Variants in MTM1 observed in about 807,000 individuals in gnomAD.
MTM1 encodes the protein myotubularin.
A neutral mutation model predicts 52.1 loss-of-function variants in MTM1; 9 were observed. The ratio of observed to expected loss-of-function variants is 0.17; its 90% confidence interval spans 0.10 to 0.30. MTM1 has a LOEUF of 0.30. MTM1 is among the 10% of genes least tolerant of loss of function. The pLI is 1.00. For synonymous variants in MTM1, 136 were observed against 163.8 expected (o/e 0.83, Z 1.29); for missense variants, 277 against 470.7 (o/e 0.59, Z 3.81).
At chrX:150,639,382 T>C (rs2039810857) in intron 7 of MTM1, among the ~76,000 whole-genome samples, 2 of 112,420 alleles carry the variant, frequency 1.8e-5, no homozygotes, top group Admixed American at 9.4e-5. Context: ...TATTGCTATG[T>C]ATATGCATGT....
chrX:150,568,748 C>G (rs1257145911), intron 1 of MTM1, 86 bp downstream of exon 1: 3 of 113,314 alleles, frequency 2.6e-5, no homozygotes, highest in Admixed American at 9.2e-5. Context: ...GAAGTTGGGA[C>G]TCCTTGGGCC....
intron 2 of MTM1, among the ~76,000 whole-genome samples, chrX:150,594,118 A>C (rs1352212906): frequency 9.4e-6 from 1 of 105,861 alleles, no homozygotes; most frequent in East Asian, 3.0e-4. Flanking sequence ...TGTGTGTATA[A>C]TTTTTTTTTG....
In MTM1 at chrX:150,583,600, A is replaced by AAT. The variant is rs1557412045; in HGVS notation, c.-10-8999_-10-8998dup. Among the ~76,000 whole-genome samples, 158 of 32,949 alleles carry AAT rather than the reference A, an allele frequency of 4.8e-3. 15 individuals carry two copies. The highest frequency in any genetic ancestry group is 0.022 in the African/African-American group (147 of 6,767). 28.6% of individuals were successfully genotyped at this position (32,949 alleles called of 115,157 possible). A position where few individuals can be genotyped will look rare whatever the true frequency, so the allele number is the denominator to read the frequency against. On this transcript the variant is annotated intron_variant, in intron 1 of 14. Coordinates refer to ENST00000370396, the MANE Select transcript of MTM1 (RefSeq NM_000252.3). Reference sequence around the variant, plus strand: ...TATATAATATATATAATTTATATATAATATATAATTTATATATATTATATA... The same window carrying AAT: ...TATATAATATATATAATTTATATATAATATATATAATTTATATATATTATATA...
intron 2 of MTM1, among the ~76,000 whole-genome samples, chrX:150,596,068 G>C (rs2038970426): frequency 9.0e-6 from 1 of 111,561 alleles, no homozygotes; most frequent in East Asian, 2.8e-4. Context: ...TCTGGCTAAT[G>C]GCTGTGCTGT....
In MTM1 at chrX:150,583,659, A is replaced by G. The variant is rs1243044042; in HGVS notation, c.-10-8946A>G. The stretch of plus-strand genomic sequence containing the variant: ...ATATAATATATAATTTATATATATT[A>G]TATATAATTTATATATAAATAATTT... On this transcript the variant is annotated intron_variant, in intron 1 of 14. Coordinates refer to ENST00000370396, the MANE Select transcript of MTM1 (RefSeq NM_000252.3). Among the ~76,000 whole-genome samples the G allele has an allele frequency of 4.0e-3, 152 of 38,235 alleles. 15 individuals carry two copies. The highest frequency in any genetic ancestry group is 0.016 in the African/African-American group (150 of 9,368). 33.2% of individuals were successfully genotyped at this position (38,235 alleles called of 115,157 possible). A position where few individuals can be genotyped will look rare whatever the true frequency, so the allele number is the denominator to read the frequency against.
chrX:150,611,306 G>A (rs1041269354), intron 4 of MTM1, among the ~76,000 whole-genome samples: 6 of 111,897 alleles, frequency 5.4e-5, no homozygotes, highest in African/African-American at 1.9e-4. Flanking sequence ...CAGGCACGAC[G>A]CCAGGTACTT....
intron 1 of MTM1, among the ~76,000 whole-genome samples, chrX:150,589,916 A>G (rs1182411237): frequency 9.0e-6 from 1 of 111,458 alleles, no homozygotes; most frequent in African/African-American, 3.3e-5. Flanking sequence ...TGTGCTCATA[A>G]AAATTAAAAA....
intron 1 of MTM1, among the ~76,000 whole-genome samples, chrX:150,590,762 A>C (rs191258501): frequency 1.2e-4 from 14 of 112,123 alleles, no homozygotes; most frequent in Admixed American, 5.7e-4. Flanking sequence ...TTGACTGTAC[A>C]ACCAGGATTT....
At chrX:150,564,725 C>T (rs1053316443), upstream of MTM1, among the ~76,000 whole-genome samples, 30 of 112,175 alleles carry the variant, frequency 2.7e-4, no homozygotes, top group African/African-American at 4.2e-4. Context: ...TTTGAATACA[C>T]GTCTTTTTGT....
At chrX:150,655,861 C>T (rs1557414391) in intron 10 of MTM1, among the ~76,000 whole-genome samples, 1 of 111,755 alleles carries the variant, frequency 8.9e-6, no homozygotes, top group Non-Finnish European at 1.9e-5. Flanking sequence ...TGCACTCACA[C>T]TCAGGATGGG....
Position 150,651,282 on chromosome X carries a change from C to T in MTM1, c.1053+1381C>T, listed in dbSNP as rs781959056. On this transcript the variant is annotated intron_variant, in intron 10 of 14. Coordinates refer to ENST00000370396, the MANE Select transcript of MTM1 (RefSeq NM_000252.3). Reference sequence around the variant, plus strand: ...CCAACCGAGTTTTTCTTCTTATTGACGTCTTACACTGCTCATAACTATGGC... The same window carrying T: ...CCAACCGAGTTTTTCTTCTTATTGATGTCTTACACTGCTCATAACTATGGC... 5.4e-5 allele frequency among the ~76,000 whole-genome samples: 6 copies of T among 111,514 alleles called. No homozygotes were observed. The East Asian group carries it at 8.4e-4, about 16-fold the overall frequency.
At chrX:150,612,625 A>G (rs1557413006) in intron 4 of MTM1, among the ~76,000 whole-genome samples, 1 of 108,448 alleles carries the variant, frequency 9.2e-6, no homozygotes, top group Non-Finnish European at 1.9e-5. Flanking sequence ...TGGGAGGATC[A>G]CTCGAGCCCA....
chrX:150,638,199 T>C (rs375518800), intron 6 of MTM1, among the ~76,000 whole-genome samples: 6 of 111,197 alleles, frequency 5.4e-5, no homozygotes, highest in East Asian at 2.8e-4. Flanking sequence ...CCAAGAGTGT[T>C]TGGCTTTGGT....
intron 1 of MTM1, among the ~76,000 whole-genome samples, chrX:150,573,561 C>T (rs1569565278): frequency 2.7e-5 from 3 of 112,386 alleles, no homozygotes; most frequent in Non-Finnish European, 5.6e-5. Flanking sequence ...GAGAAGGAAG[C>T]ATTGTTTATT....
chrX:150,660,547 G>A (rs1473950111), intron 13 of MTM1, 63 bp downstream of exon 13: 1 of 685,055 alleles, frequency 1.5e-6, no homozygotes, highest in African/African-American at 2.1e-5. Context: ...AGTCTACCAT[G>A]AAATATAAAA....
At position 150,619,118 on chromosome X, in the gene MTM1, G is replaced by A. The variant is rs377311110; in HGVS notation, c.423G>A (p.Ala141=). ...RDMFEILTRY[A]FPLAHSLPLF... ...TGTTTGAGATCCTCACGAGATACGCGTTTCCCCTGGCTCACAGTCTGGTAA... is the reference window on the plus strand; with the variant it reads ...TGTTTGAGATCCTCACGAGATACGCATTTCCCCTGGCTCACAGTCTGGTAA... The change falls in exon 6 of 15, where the codon GCG becomes GCA. Residue 141 remains alanine (A), a synonymous_variant. Coordinates refer to ENST00000370396, the MANE Select transcript of MTM1 (RefSeq NM_000252.3). 36 of 1,204,279 alleles carry A rather than the reference G, an allele frequency of 3.0e-5. No homozygotes were observed. In the African/African-American group the frequency reaches 4.9e-4, roughly 16 times the overall value.
At chrX:150,611,479 TAC>T (rs2039275960) in intron 4 of MTM1, among the ~76,000 whole-genome samples, 1 of 112,107 alleles carries the variant, frequency 8.9e-6, no homozygotes, top group South Asian at 3.7e-4. Flanking sequence ...ATTATACTCG[TAC>T]ACTTTTTTGC....
At chrX:150,571,681 T>G (rs1362009619) in intron 1 of MTM1, among the ~76,000 whole-genome samples, 1 of 112,512 alleles carries the variant, frequency 8.9e-6, no homozygotes, top group African/African-American at 3.2e-5. Flanking sequence ...TTTCTCGACA[T>G]TTCTCTGCAT....
chrX:150,629,823 A>C lies in MTM1; in HGVS notation c.445-9120A>C, dbSNP rs782628588. ...CTACCTCATTGCCCTCCTCATAGAC[A>C]ACCCAGGTTTCAGTTTATTGTGTCT... On this transcript the variant is annotated intron_variant, in intron 6 of 14. Coordinates refer to ENST00000370396, the MANE Select transcript of MTM1 (RefSeq NM_000252.3). Among the ~76,000 whole-genome samples, 5 of 111,506 alleles carry C rather than the reference A, an allele frequency of 4.5e-5. No individual in the cohort carries two copies. In the South Asian group the frequency reaches 1.9e-3, roughly 43 times the overall value.
Sources: gnomAD v4.1 joint callset for allele counts (sites outside exome capture counted in the v4.1 genomes callset) on GRCh38, gnomAD v4.1.1 for gene constraint, MANE v1.5 for transcripts, NCBI Gene and HGNC (gene_info 2026-07-23, HGNC 2026-07-21) for gene names.